ZNF367: variants seen among roughly 807,000 people sequenced by gnomAD.
ZNF367 encodes zinc finger protein 367, also known as C2H2 zinc finger protein ZFF29.
A neutral mutation model predicts 31.8 loss-of-function variants in ZNF367; 11 were observed. That is an observed-to-expected ratio of 0.35 (90% CI 0.22 to 0.57). The LOEUF is 0.57. Among genes scored for constraint, ZNF367 ranks in the 20% least tolerant of loss-of-function variants. ZNF367 has a pLI of 0.85. For synonymous variants in ZNF367, 199 were observed against 202.4 expected (o/e 0.98, Z 0.14); for missense variants, 353 against 484.1 (o/e 0.73, Z 2.54).
rs1831849817 is a variant in ZNF367 at position 96,417,626 on chromosome 9, C to T, written c.407G>A (p.Ser136Asn). 1.4e-6 allele frequency: 1 copy of T among 722,452 alleles called. No individual in the cohort carries two copies. Among genetic ancestry groups the T allele is most frequent in the South Asian group, 6.8e-5 (1 of 14,674 alleles). 44.8% of individuals were successfully genotyped at this position (722,452 alleles called of 1,614,324 possible). ...CGCGCCGCTCACCTTGAGGTGGCCG[C>T]TGTCTGGGCTGCTCGCTTCCTCCTC... ...EDEEEASSPD[S>N]GHLKDGIRRG... The change falls in exon 1 of 5, where the codon AGC becomes AAC. Residue 136 changes from serine to asparagine, a missense_variant. This residue lies in a region of ZNF367 where 70 missense variants were observed against 57.1 expected (regional missense o/e 1.23). Transcript: ENST00000375256. The surrounding 1 kb of genome is among the most constrained non-coding windows in gnomAD (Gnocchi z 5.0).
intron 1 of ZNF367, among the ~76,000 whole-genome samples, chr9:96,416,067 T>G (rs988282099): frequency 1.3e-5 from 2 of 150,616 alleles, no homozygotes; most frequent in Non-Finnish European, 3.0e-5. Context: ...CCAGGCTCTG[T>G]TATGGTTTTT....
chr9:96,388,090 C>T lies in ZNF367; in HGVS notation c.*147G>A. ...AAAAAAGTGCAGTTCTCTCTCACCCCATATTCTGGGGCAATAACATTCTTC... is the reference window on the plus strand; with the variant it reads ...AAAAAAGTGCAGTTCTCTCTCACCCTATATTCTGGGGCAATAACATTCTTC... On this transcript the variant is annotated 3_prime_UTR_variant, in exon 5 of 5. Coordinates refer to ENST00000375256, the MANE Select transcript of ZNF367 (RefSeq NM_153695.4). 1.4e-6 allele frequency: 1 copy of T among 728,210 alleles called. No homozygotes were observed. The highest frequency in any genetic ancestry group is 2.2e-6 in the Non-Finnish European group (1 of 454,088). 45.1% of individuals were successfully genotyped at this position (728,210 alleles called of 1,614,324 possible).
At chr9:96,394,740 C>T in intron 3 of ZNF367, 83 bp downstream of exon 3, 2 of 1,306,188 alleles carry the variant, frequency 1.5e-6, no homozygotes, top group Non-Finnish European at 2.1e-6. Context: ...AAAATCTTTC[C>T]CCTCAAAAAA....
intron 1 of ZNF367, among the ~76,000 whole-genome samples, chr9:96,401,570 T>A (rs1175052816): frequency 6.6e-6 from 1 of 151,064 alleles, no homozygotes; most frequent in African/African-American, 2.4e-5. Flanking sequence ...GGCAGGAGAA[T>A]TACTTGAACC....
rs915232590 is a variant in ZNF367, at chr9:96,417,018, C to A, written c.420+595G>T. On this transcript the variant is annotated intron_variant, in intron 1 of 4. Coordinates refer to ENST00000375256, the MANE Select transcript of ZNF367 (RefSeq NM_153695.4). The surrounding 1 kb of genome is among the most constrained non-coding windows in gnomAD (Gnocchi z 5.0). Reference sequence around the variant, plus strand: ...GAACCAGTGGTAACGACCTTCCCAGCTTTAAGCAGTCGGAGACTGCAAGCA... The same window carrying A: ...GAACCAGTGGTAACGACCTTCCCAGATTTAAGCAGTCGGAGACTGCAAGCA... Among the ~76,000 whole-genome samples the A allele has an allele frequency of 1.3e-5, 2 of 152,222 alleles. No individual in the cohort carries two copies. Among genetic ancestry groups the A allele is most frequent in the Non-Finnish European group, 2.9e-5 (2 of 68,038 alleles).
In ZNF367 at chr9:96,415,479, A is replaced by ATTTTTTTT. The variant is rs56349404; in HGVS notation, c.420+2126_420+2133dup. 3.2e-4 allele frequency among the ~76,000 whole-genome samples: 12 copies of ATTTTTTTT among 37,784 alleles called. 1 individual carries two copies. Among genetic ancestry groups the ATTTTTTTT allele is most frequent in the Admixed American group, 1.3e-3 (3 of 2,366 alleles). The allele number at this position is 37,784 out of a possible 152,430, so 24.8% of individuals were successfully genotyped here. ...CAACGCTTCTATCGTTAGTTTCTTC[A>ATTTTTTTT]TTTTTTTTTTTTTTTTTTTTTTTTT... On this transcript the variant is annotated intron_variant, in intron 1 of 4. Transcript: ENST00000375256.
chr9:96,407,272 G>T lies in ZNF367; in HGVS notation c.421-8958C>A, dbSNP rs568526025. On this transcript the variant is annotated intron_variant, in intron 1 of 4. Transcript: ENST00000375256. ...CCCAGGGGCTGCTCCTGGCGGCTCT[G>T]CGGCCGTCACCATGCCACAGAACGA... is the stretch of plus-strand genomic sequence containing the variant. The T allele has an allele frequency of 5.8e-5, 84 of 1,450,758 alleles. No individual in the cohort carries two copies. In the South Asian group the frequency reaches 9.2e-4, roughly 16 times the overall value. The allele number at this position is 1,450,758 out of a possible 1,614,324, so 89.9% of individuals were successfully genotyped here.
Position 96,417,983 on chromosome 9 carries a change from G to A in ZNF367, c.50C>T (p.Pro17Leu), listed in dbSNP as rs755522402. 21 of 1,433,312 alleles carry A rather than the reference G, an allele frequency of 1.5e-5. No homozygotes were observed. Among genetic ancestry groups the A allele is most frequent in the Non-Finnish European group, 1.9e-5 (21 of 1,101,136 alleles). The allele number at this position is 1,433,312 out of a possible 1,614,324, so 88.8% of individuals were successfully genotyped here. A position where few individuals can be genotyped will look rare whatever the true frequency, so the allele number is the denominator to read the frequency against. ...GTCGTGGCAGAAGATGACGGGCGGC[G>A]GCGGCGGCGGCGGGTTCTCCGCCAT... Reference protein sequence around the residue: ...APMAENPPPPPPPVIFCHDSP... With the variant: ...APMAENPPPPLPPVIFCHDSP... The change falls in exon 1 of 5, where the codon CCG becomes CTG. Residue 17 changes from proline (P) to leucine (L), a missense_variant. Pro to Leu is a moderately conservative substitution (Grantham distance 98). Transcript: ENST00000375256. The surrounding 1 kb of genome is among the most constrained non-coding windows in gnomAD (Gnocchi z 5.0).
chr9:96,388,517 C>A, intron 4 of ZNF367, 58 bp from the exon 5 acceptor site: 1 of 1,499,880 alleles, frequency 6.7e-7, no homozygotes, highest in Non-Finnish European at 9.0e-7. Context: ...CAAATGTTTA[C>A]TTTTCTTTTA....
intron 4 of ZNF367, among the ~76,000 whole-genome samples, 187 bp from the exon 5 acceptor site, chr9:96,388,646 C>T (rs1008464710): frequency 5.3e-5 from 8 of 152,162 alleles, no homozygotes; most frequent in Middle Eastern, 3.2e-3. Flanking sequence ...GGTTAAGAGA[C>T]GTGCTCAGGT....
At chr9:96,410,561 C>CAAAAAAAAAAAA (rs35609930) in intron 1 of ZNF367, among the ~76,000 whole-genome samples, 1 of 69,602 alleles carries the variant, frequency 1.4e-5, no homozygotes. Context: ...GACTCCGTCT[C>CAAAAAAAAAAAA]AAAAAAAAAA....
chr9:96,391,485 A>G (rs1831471392), intron 4 of ZNF367, among the ~76,000 whole-genome samples: 1 of 151,998 alleles, frequency 6.6e-6, no homozygotes, highest in African/African-American at 2.4e-5. Flanking sequence ...GTGTTGAGAA[A>G]CCCACAGCCC....
chr9:96,388,361 G>T lies in ZNF367; in HGVS notation c.929C>A (p.Ser310Tyr). 1 of 1,613,788 alleles carries T rather than the reference G, an allele frequency of 6.2e-7. No individual in the cohort carries two copies. The highest frequency in any genetic ancestry group is 1.3e-5 in the African/African-American group (1 of 75,046). The change falls in exon 5 of 5, where the codon TCT becomes TAT. Residue 310 changes from serine to tyrosine, a missense_variant. Around this residue, in one of 5 missense-constraint regions of ZNF367, gnomAD observed 101 missense variants for 140.0 expected, o/e 0.72. Transcript: ENST00000375256. ...EQQDPLEYLQ[S>Y]DEEDDEKRGA... ...TCTCTTCTCGTCGTCCTCTTCATCA[G>T]ACTGAAGGTATTCCAGAGGGTCCTG...
chr9:96,398,134 G>A, intron 2 of ZNF367, 30 bp downstream of exon 2: 1 of 885,270 alleles, frequency 1.1e-6, no homozygotes, highest in Non-Finnish European at 1.7e-6. Context: ...TGTTACTTCT[G>A]GCAGTCTCTA....
At chr9:96,407,597 A>G in intron 1 of ZNF367, 9 of 1,460,230 alleles carry the variant, frequency 6.2e-6, no homozygotes, top group Admixed American at 1.7e-5. Context: ...GTACTTTCCA[A>G]TATGATTAAA....
At chr9:96,399,117 T>C (rs925542102) in intron 1 of ZNF367, among the ~76,000 whole-genome samples, 4 of 152,130 alleles carry the variant, frequency 2.6e-5, no homozygotes, top group Non-Finnish European at 4.4e-5. Flanking sequence ...ATACTAAGGT[T>C]AGGAATTTAG....
chr9:96,389,954 A>G (rs1831450246), intron 4 of ZNF367, among the ~76,000 whole-genome samples: 1 of 131,528 alleles, frequency 7.6e-6, no homozygotes, highest in Admixed American at 9.1e-5. Flanking sequence ...TGCCCAGGCT[A>G]GAGTGTAATG....
chr9:96,417,957 A>G lies in ZNF367; in HGVS notation c.76T>C (p.Ser26Pro). The change falls in exon 1 of 5, where the codon TCC (serine) becomes CCC (proline). Residue 26 changes from serine to proline, a missense_variant. By Grantham distance (74) the Ser-to-Pro change is moderately conservative (BLOSUM62 -1). Coordinates refer to ENST00000375256, the MANE Select transcript of ZNF367 (RefSeq NM_153695.4). The surrounding 1 kb of genome is among the most constrained non-coding windows in gnomAD (Gnocchi z 5.0). ...PPPPVIFCHD[S>P]PKRVLVSVIR... ...ACCGACACCAGCACCCGCTTCGGGGAGTCGTGGCAGAAGATGACGGGCGGC... is the reference window on the plus strand; with the variant it reads ...ACCGACACCAGCACCCGCTTCGGGGGGTCGTGGCAGAAGATGACGGGCGGC... 6.7e-7 allele frequency: 1 copy of G among 1,485,638 alleles called. No homozygotes were observed. Among genetic ancestry groups the G allele is most frequent in the South Asian group, 1.3e-5 (1 of 78,706 alleles). The allele number at this position is 1,485,638 out of a possible 1,614,324, so 92.0% of individuals were successfully genotyped here.
intron 1 of ZNF367, among the ~76,000 whole-genome samples, chr9:96,410,279 T>C (rs1192538603): frequency 2.4e-5 from 3 of 123,540 alleles, no homozygotes; most frequent in Non-Finnish European, 5.0e-5. Flanking sequence ...GCCATAGGCC[T>C]GGCTGGGCGT....
Sources: gnomAD v4.1 joint callset for allele counts (sites outside exome capture counted in the v4.1 genomes callset) on GRCh38, gnomAD v4.1.1 for gene constraint, gnomAD v4.1.1 regional missense constraint, Gnocchi (gnomAD v3.1) non-coding constraint, MANE v1.5 for transcripts, NCBI Gene and HGNC (gene_info 2026-07-23, HGNC 2026-07-21) for gene names.